Variants in DAAM1 observed in about 807,000 individuals in gnomAD.
The protein encoded by DAAM1 is disheveled-associated activator of morphogenesis 1.
In DAAM1, 52 loss-of-function variants were observed where a neutral mutation model predicts 130.0. The observed-to-expected ratio is 0.40, with a 90% CI of 0.32 to 0.50. The LOEUF (loss-of-function observed/expected upper bound fraction) is 0.50, where lower values mean the gene tolerates loss of function less well. Ranked by LOEUF, DAAM1 falls within the 20% of genes least tolerant of loss-of-function variation. The pLI is 0.61. For synonymous variants in DAAM1, 452 were observed against 444.5 expected, an observed-to-expected ratio of 1.02 and a Z score of -0.21; for missense variants, 1,134 against 1,303.8, an observed-to-expected ratio of 0.87 and a Z score of 2.01.
chr14:59,287,977 A>G (rs1883537522), intron 2 of DAAM1, among the ~76,000 whole-genome samples: 1 of 152,228 alleles, frequency 6.6e-6, no homozygotes, highest in Non-Finnish European at 1.5e-5. Context: ...AATCCTAAGC[A>G]AAAAGAACAA....
At chr14:59,201,233 A>G (rs1415314237) in intron 1 of DAAM1, among the ~76,000 whole-genome samples, 3 of 150,976 alleles carry the variant, frequency 2.0e-5, no homozygotes, top group Admixed American at 6.6e-5. Flanking sequence ...AGGTGAGAAG[A>G]GTGAAAGATC....
chr14:59,257,460 C>T (rs1881952458), intron 1 of DAAM1, among the ~76,000 whole-genome samples: 1 of 151,486 alleles, frequency 6.6e-6, no homozygotes, highest in Admixed American at 6.6e-5. Context: ...AACTGAAGGC[C>T]TACAAAGCAG....
intron 3 of DAAM1, among the ~76,000 whole-genome samples, chr14:59,297,624 C>T (rs953178591): frequency 3.3e-5 from 5 of 152,084 alleles, no homozygotes; most frequent in African/African-American, 1.2e-4. Flanking sequence ...TTTTGCTTTC[C>T]GTGGTTTCAC....
At position 59,195,141 on chromosome 14, in the gene DAAM1, CTTT is replaced by C. The variant is rs33934407; in HGVS notation, c.-38+6393_-38+6395del. ...TTTCTTAATCATTCATCTTGTTATA[CTTT>C]TTTTTTTTTTTTTTTTTTTGAGACA... On this transcript the variant is annotated intron_variant, in intron 1 of 24. Transcript: ENST00000360909. Among the ~76,000 whole-genome samples, 618 of 98,180 alleles carry C rather than the reference CTTT, an allele frequency of 6.3e-3. 1 individual carries two copies. Among genetic ancestry groups the C allele is most frequent in the African/African-American group, 0.019 (440 of 23,678 alleles). The allele number at this position is 98,180 out of a possible 152,430, so 64.4% of individuals were successfully genotyped here.
chr14:59,326,144 T>C lies in DAAM1; in HGVS notation c.1174+67T>C, dbSNP rs928062281. 1.0e-5 allele frequency: 15 copies of C among 1,443,518 alleles called. No individual in the cohort carries two copies. The African/African-American group carries it at 1.7e-4, about 16-fold the overall frequency. The allele number at this position is 1,443,518 out of a possible 1,614,324, so 89.4% of individuals were successfully genotyped here. On this transcript the variant is annotated intron_variant, in intron 10 of 24. Transcript: ENST00000360909. ...GGACATTGTCCTAATGGGTTCTGGC[T>C]CCTGCACAGTGCTGATTACATTGGG...
At chr14:59,288,608 C>T (rs1007690536) in intron 2 of DAAM1, among the ~76,000 whole-genome samples, 1 of 152,158 alleles carries the variant, frequency 6.6e-6, no homozygotes, top group African/African-American at 2.4e-5. Context: ...AGAGACACTT[C>T]TGAAAAGAAG....
At position 59,335,259 on chromosome 14, in the gene DAAM1, T is replaced by G. The variant is rs1260278184; in HGVS notation, c.1968+3339T>G. ...TTTTTCAGTGTAAATATCAAAGGTG[T>G]GCAGAGCTGATTATGTAAGCTTATG... On this transcript the variant is annotated intron_variant, in intron 15 of 24. Coordinates refer to ENST00000360909, the MANE Select transcript of DAAM1 (RefSeq NM_001270520.2). 3.3e-5 allele frequency among the ~76,000 whole-genome samples: 5 copies of G among 152,132 alleles called. No homozygotes were observed. In the East Asian group the frequency reaches 9.6e-4, roughly 29 times the overall value.
intron 15 of DAAM1, among the ~76,000 whole-genome samples, chr14:59,336,942 A>G (rs1238499948): frequency 1.3e-5 from 2 of 152,198 alleles, no homozygotes; most frequent in Non-Finnish European, 2.9e-5. Flanking sequence ...TTTTACAGAC[A>G]GATAGACTGA....
chr14:59,205,285 A>C (rs1020371802), intron 1 of DAAM1, among the ~76,000 whole-genome samples: 1 of 152,256 alleles, frequency 6.6e-6, no homozygotes, highest in Non-Finnish European at 1.5e-5. Flanking sequence ...TATTAGGTCC[A>C]TGTATATAGA....
chr14:59,198,646 G>A (rs1286859236), intron 1 of DAAM1, among the ~76,000 whole-genome samples: 1 of 152,152 alleles, frequency 6.6e-6, no homozygotes, highest in Non-Finnish European at 1.5e-5. Context: ...AGTGATGTGG[G>A]GCAAACATGT....
intron 2 of DAAM1, among the ~76,000 whole-genome samples, chr14:59,273,799 T>A (rs1357878085): frequency 1.3e-5 from 2 of 152,246 alleles, no homozygotes; most frequent in Non-Finnish European, 2.9e-5. Context: ...GCTAGAAGGA[T>A]CTGGTAGTTT....
intron 13 of DAAM1, 95 bp downstream of exon 13, chr14:59,330,783 A>G (rs1485842552): frequency 8.0e-7 from 1 of 1,242,330 alleles, no homozygotes; most frequent in Non-Finnish European, 1.1e-6. Flanking sequence ...CTGGGGGAAT[A>G]AAATCTGAAA....
intron 1 of DAAM1, among the ~76,000 whole-genome samples, chr14:59,201,266 T>C (rs1888096502): frequency 6.6e-6 from 1 of 151,738 alleles, no homozygotes; most frequent in African/African-American, 2.4e-5. Context: ...AATGTAGTTA[T>C]AGTTGCAGAT....
chr14:59,355,375 T>TA, intron 20 of DAAM1, 42 bp downstream of exon 20: 1 of 1,609,706 alleles, frequency 6.2e-7, no homozygotes, highest in Non-Finnish European at 8.5e-7. Context: ...GCCAGGTGTG[T>TA]AGGTCCAGGC....
At chr14:59,320,287 G>A (rs1884956801) in intron 4 of DAAM1, among the ~76,000 whole-genome samples, 1 of 152,172 alleles carries the variant, frequency 6.6e-6, no homozygotes, top group African/African-American at 2.4e-5. Flanking sequence ...AGTTATACAA[G>A]CATTTGGGCA....
At chr14:59,322,324 C>A (rs1283683335) in intron 5 of DAAM1, among the ~76,000 whole-genome samples, 1 of 151,348 alleles carries the variant, frequency 6.6e-6, no homozygotes, top group African/African-American at 2.4e-5. Context: ...CCAGTCTGGG[C>A]AACATAGCAA....
rs1882264451 is a variant in DAAM1, at chr14:59,263,295, A to T, written c.-37-146A>T. 9.3e-6 allele frequency: 6 copies of T among 647,428 alleles called. No individual in the cohort carries two copies. The South Asian group carries it at 1.2e-4, about 13-fold the overall frequency. 40.1% of individuals were successfully genotyped at this position (647,428 alleles called of 1,614,324 possible). On this transcript the variant is annotated intron_variant, in intron 1 of 24. Transcript: ENST00000360909. ...TGTTCTCTGTCCAAGTGGACTCCAA[A>T]CCCACTCGGTGTTGTTCTCTCTGTG...
chr14:59,277,190 C>G (rs1293411161), intron 2 of DAAM1, among the ~76,000 whole-genome samples: 1 of 152,144 alleles, frequency 6.6e-6, no homozygotes, highest in Non-Finnish European at 1.5e-5. Context: ...GTTAGTCTTT[C>G]AACTCATTCA....
chr14:59,327,402 CT>C (rs386381493), intron 12 of DAAM1, among the ~76,000 whole-genome samples: 170 of 58,984 alleles, frequency 2.9e-3, no homozygotes, highest in Middle Eastern at 0.018. Flanking sequence ...CACTTGGTTT[CT>C]TTTTTTTTTT....
Sources: allele counts gnomAD v4.1 joint callset (sites outside exome capture counted in the v4.1 genomes callset), GRCh38; gene constraint gnomAD v4.1.1; transcripts MANE v1.5; gene names NCBI Gene and HGNC (gene_info 2026-07-23, HGNC 2026-07-21).